The following KAZN variants were observed in gnomAD, a reference collection of about 807,000 sequenced individuals.
The protein encoded by KAZN is kazrin, periplakin interacting protein.
KAZN carries 40 observed loss-of-function variants against 87.4 expected under a neutral mutation model. The ratio of observed to expected loss-of-function variants is 0.46; its 90% CI spans 0.36 to 0.60. The LOEUF is 0.60. KAZN is among the 20% of genes least tolerant of loss of function. The pLI is 0.00. For synonymous variants in KAZN, 466 were observed against 458.3 expected, an observed-to-expected ratio of 1.02 and a Z score of -0.22; for missense variants, 898 against 1,073.9, an observed-to-expected ratio of 0.84 and a Z score of 2.29.
At chr1:14,231,151 TTTCTTATTTGG>T (rs2100540562) in intron 2 of KAZN, among the ~76,000 whole-genome samples, 1 of 152,338 alleles carries the variant, frequency 6.6e-6, no homozygotes, top group East Asian at 1.9e-4. Context: ...TTATTATTAG[TTTCTTATTTGG>T]TTCTTATTAG....
intron 1 of KAZN, among the ~76,000 whole-genome samples, chr1:13,995,045 A>T (rs1299765810): frequency 6.6e-6 from 1 of 152,178 alleles, no homozygotes; most frequent in East Asian, 1.9e-4. Context: ...TGAAAAGAAC[A>T]TGCTGACTCA....
chr1:14,251,730 C>T (rs1033507599), intron 2 of KAZN, among the ~76,000 whole-genome samples: 12 of 148,668 alleles, frequency 8.1e-5, no homozygotes, highest in Admixed American at 1.4e-4. Flanking sequence ...CTCACTGCAG[C>T]CTTGACCTCT....
At chr1:14,523,254 G>A (rs111746393) in intron 2 of KAZN, among the ~76,000 whole-genome samples, 6,308 of 152,204 alleles carry the variant, frequency 0.041, 192 homozygotes, top group African/African-American at 0.083. Flanking sequence ...CCCAGTCCAG[G>A]GCAATAAACT....
At chr1:14,649,831 T>A (rs775550258) in intron 1 of KAZN, among the ~76,000 whole-genome samples, 1 of 152,118 alleles carries the variant, frequency 6.6e-6, no homozygotes, top group Admixed American at 6.5e-5. Context: ...CCAAGAATAT[T>A]TGGTACCTAA....
chr1:15,044,167 C>A lies in KAZN; in HGVS notation c.726+8C>A. 1.3e-6 allele frequency: 2 copies of A among 1,588,052 alleles called. No homozygotes were observed. The highest frequency in any genetic ancestry group is 1.7e-5 in the Admixed American group (1 of 58,390). ...GAGGCCGAGCTGGCCATGGTGAGAA[C>A]CCTCCCCACCCAGGTGGGCCTGGCA... is the stretch of plus-strand genomic sequence containing the variant. On this transcript the variant is annotated splice_region_variant and intron_variant, in intron 4 of 14. Transcript: ENST00000376030.
At chr1:14,855,019 G>A (rs1017781363) in intron 1 of KAZN, among the ~76,000 whole-genome samples, 1 of 152,046 alleles carries the variant, frequency 6.6e-6, no homozygotes, top group Non-Finnish European at 1.5e-5. Context: ...AGGACACACA[G>A]GTGCAATTAT....
intron 2 of KAZN, among the ~76,000 whole-genome samples, chr1:14,345,851 G>A (rs149025357): frequency 6.6e-6 from 1 of 152,230 alleles, no homozygotes; most frequent in East Asian, 1.9e-4. Context: ...ACACATGGAG[G>A]GATAAGCATA....
intron 1 of KAZN, among the ~76,000 whole-genome samples, chr1:14,672,881 C>T (rs986614980): frequency 6.6e-6 from 1 of 152,176 alleles, no homozygotes; most frequent in Admixed American, 6.5e-5. Flanking sequence ...TAGCCTTCTC[C>T]GAGATCTGTC....
At chr1:14,335,014 G>A (rs148936539) in intron 2 of KAZN, among the ~76,000 whole-genome samples, 2 of 152,164 alleles carry the variant, frequency 1.3e-5, no homozygotes, top group African/African-American at 4.8e-5. Flanking sequence ...TTGTCCCTCT[G>A]AGTCTCATGT....
intron 2 of KAZN, among the ~76,000 whole-genome samples, chr1:14,413,386 C>T (rs1393486115): frequency 4.0e-5 from 6 of 151,658 alleles, no homozygotes; most frequent in Admixed American, 2.0e-4. Context: ...GTCAGGAGAT[C>T]GAGACCATCC....
chr1:14,543,298 A>G (rs974662337), intron 2 of KAZN, among the ~76,000 whole-genome samples: 3 of 152,190 alleles, frequency 2.0e-5, no homozygotes, highest in Admixed American at 2.0e-4. Context: ...TTGCATTAAT[A>G]AGTTGCATGA....
intron 1 of KAZN, among the ~76,000 whole-genome samples, chr1:14,782,190 T>G (rs56100892): frequency 6.6e-6 from 1 of 152,120 alleles, no homozygotes; most frequent in Non-Finnish European, 1.5e-5. Flanking sequence ...CCACCCTCTT[T>G]AGGCAAATAT....
At chr1:13,985,530 G>A (rs913251305) in intron 1 of KAZN, among the ~76,000 whole-genome samples, 6 of 128,886 alleles carry the variant, frequency 4.7e-5, no homozygotes, top group Non-Finnish European at 7.9e-5. Flanking sequence ...CACAGGAAGG[G>A]GAACATCACA....
At chr1:14,366,545 A>G (rs1571410327) in intron 2 of KAZN, among the ~76,000 whole-genome samples, 1 of 152,252 alleles carries the variant, frequency 6.6e-6, no homozygotes, top group Admixed American at 6.5e-5. Context: ...GGCAGACTCC[A>G]TTCACTCAAA....
At chr1:14,157,565 G>A (rs1645621126) in intron 1 of KAZN, among the ~76,000 whole-genome samples, 1 of 152,188 alleles carries the variant, frequency 6.6e-6, no homozygotes, top group African/African-American at 2.4e-5. Context: ...CTCCTGGCCT[G>A]TAAGGTTTCC....
At chr1:14,918,229 C>G (rs1308660828) in intron 1 of KAZN, among the ~76,000 whole-genome samples, 1 of 152,152 alleles carries the variant, frequency 6.6e-6, no homozygotes, top group African/African-American at 2.4e-5. Context: ...GATGGGCTGT[C>G]CTGTCTGAGA....
intron 4 of KAZN, among the ~76,000 whole-genome samples, chr1:15,050,461 C>T (rs1029502191): frequency 5.3e-5 from 8 of 152,180 alleles, no homozygotes; most frequent in Non-Finnish European, 8.8e-5. Flanking sequence ...TCTGTAAAAA[C>T]GACAGCCACC....
intron 1 of KAZN, among the ~76,000 whole-genome samples, chr1:13,964,699 TG>T (rs1016467329): frequency 1.3e-5 from 2 of 152,204 alleles, no homozygotes; most frequent in African/African-American, 4.8e-5. Context: ...ACATCCCTTT[TG>T]CCGCATTCTG....
intron 2 of KAZN, among the ~76,000 whole-genome samples, chr1:14,990,708 C>T (rs1034707505): frequency 3.3e-5 from 5 of 151,876 alleles, no homozygotes; most frequent in Admixed American, 6.6e-5. Context: ...CTCTGGAGCA[C>T]GCCAGGTCTT....
Sources: allele counts gnomAD v4.1 joint callset (sites outside exome capture counted in the v4.1 genomes callset), GRCh38; gene constraint gnomAD v4.1.1; transcripts MANE v1.5; gene names NCBI Gene and HGNC (gene_info 2026-07-23, HGNC 2026-07-21).